Variants in KCNC3 observed in about 807,000 individuals in gnomAD.
The protein encoded by KCNC3 is potassium voltage-gated channel subfamily C member 3.
A neutral mutation model predicts 43.9 loss-of-function variants in KCNC3; 22 were observed. The ratio of observed to expected loss-of-function variants is 0.50; its 90% CI spans 0.36 to 0.72. The LOEUF is 0.72. Among genes scored for constraint, KCNC3 ranks in the 30% least tolerant of loss-of-function variants. KCNC3 has a pLI of 0.00. For missense variants in KCNC3, 829 were observed against 1,073.8 expected (o/e 0.77, Z 3.19); for synonymous variants, 492 against 488.0 (o/e 1.01, Z -0.11).
In KCNC3 at chr19:50,313,104, A is replaced by G. The variant is rs2123510243; in HGVS notation, c.*3011T>C. ...CGGCTCCAAAAGGGGGGTCCGCTAA[A>G]GAGTCTGGGACCGGTGTGGTCTCTG... On this transcript the variant is annotated 3_prime_UTR_variant, in exon 5 of 5. Transcript: ENST00000477616. The G allele has an allele frequency of 6.6e-6, 1 of 150,516 alleles. No homozygotes were observed. The highest frequency in any genetic ancestry group is 2.1e-4 in the South Asian group (1 of 4,812). The allele number at this position is 150,516 out of a possible 1,614,324, so 9.3% of individuals were successfully genotyped here.
intron 1 of KCNC3, among the ~76,000 whole-genome samples, chr19:50,326,377 T>C (rs2037106034): frequency 6.6e-6 from 1 of 152,136 alleles, no homozygotes; most frequent in South Asian, 2.1e-4. Context: ...CAGGGCCATG[T>C]CCCTTCCGCA....
At position 50,329,059 on chromosome 19, in the gene KCNC3, CGAGACGCAGACT is replaced by C. The variant is rs1263632230; in HGVS notation, c.12_23del (p.Val5_Ser8del). On this transcript the variant is annotated inframe_deletion, in exon 1 of 5. Coordinates refer to ENST00000477616, the MANE Select transcript of KCNC3 (RefSeq NM_004977.3). ...TGGCCCCCTGGCGCCCGCGGAAGGA[CGAGACGCAGACT>C]GAGCTCAGCATTGGACGGGGGGCGG... The C allele has an allele frequency of 1.5e-6, 2 of 1,322,910 alleles. No individual in the cohort carries two copies. The highest frequency in any genetic ancestry group is 1.9e-6 in the Non-Finnish European group (2 of 1,034,658). The allele number at this position is 1,322,910 out of a possible 1,614,324, so 81.9% of individuals were successfully genotyped here. A position where few individuals can be genotyped will look rare whatever the true frequency, so the allele number is the denominator to read the frequency against.
intron 2 of KCNC3, 121 bp downstream of exon 2, chr19:50,322,854 G>T: frequency 9.8e-7 from 1 of 1,024,408 alleles, no homozygotes; most frequent in South Asian, 1.6e-5. Context: ...CCTGCTGTTG[G>T]TTTTTTTCTC....
chr19:50,318,665 C>G (rs966595198), intron 4 of KCNC3, among the ~76,000 whole-genome samples: 1 of 152,098 alleles, frequency 6.6e-6, no homozygotes, highest in African/African-American at 2.4e-5. Context: ...GCTGAAAGAT[C>G]AGGCCCTCAG....
At position 50,329,038 on chromosome 19, in the gene KCNC3, C is replaced by A. The variant is rs902125703; in HGVS notation, c.45G>T (p.Gly15=). ...GTGGCGCCGGCTGCTGCTTGCTGGC[C>A]CCCTGGCGCCCGCGGAAGGACGAGA... ...VCVSSFRGRQ[G]ASKQQPAPPP... Residue 15 remains glycine (G), a synonymous_variant, in exon 1 of 5, where the codon GGG becomes GGT. Transcript: ENST00000477616. The A allele has an allele frequency of 2.8e-5, 38 of 1,355,614 alleles. No individual in the cohort carries two copies. The highest frequency in any genetic ancestry group is 3.5e-5 in the Non-Finnish European group (37 of 1,049,492). The allele number at this position is 1,355,614 out of a possible 1,614,324, so 84.0% of individuals were successfully genotyped here. A position where few individuals can be genotyped will look rare whatever the true frequency, so the allele number is the denominator to read the frequency against.
In KCNC3 at chr19:50,314,745, T is replaced by C. The variant is rs1352949691; in HGVS notation, c.*1370A>G. 2 of 441,256 alleles carry C rather than the reference T, an allele frequency of 4.5e-6. No homozygotes were observed. The highest frequency in any genetic ancestry group is 8.2e-5 in the East Asian group (1 of 12,208). 27.3% of individuals were successfully genotyped at this position (441,256 alleles called of 1,614,324 possible). A position where few individuals can be genotyped will look rare whatever the true frequency, so the allele number is the denominator to read the frequency against. On this transcript the variant is annotated 3_prime_UTR_variant, in exon 5 of 5. Transcript: ENST00000477616. ...CGTCATCTCGGTTGCATATTATTAA[T>C]GACTTTTTGATTTTTTTTAAAAAAA...
Position 50,323,206 on chromosome 19 carries a change from G to T in KCNC3, c.1747C>A (p.Pro583Thr). 1 of 1,524,682 alleles carries T rather than the reference G, an allele frequency of 6.6e-7. No individual in the cohort carries two copies. The highest frequency in any genetic ancestry group is 8.8e-7 in the Non-Finnish European group (1 of 1,137,042). The allele number at this position is 1,524,682 out of a possible 1,614,324, so 94.4% of individuals were successfully genotyped here. The stretch of plus-strand genomic sequence containing the variant: ...CTGCCGTGGTGCGGGTGGGGCGGGG[G>T]TGGCGGGGGTGGGTCAGGCTTGCAG... Reference protein sequence around the residue: ...NYCKPDPPPPPPPHPHHGSGG... With the variant: ...NYCKPDPPPPTPPHPHHGSGG... Residue 583 changes from proline (P) to threonine (T), a missense_variant, in exon 2 of 5, where the codon CCC becomes ACC. Physicochemically the swap from Pro to Thr is conservative, Grantham distance 38 (BLOSUM62 -1). Transcript: ENST00000477616.
In KCNC3 at chr19:50,320,577, A is replaced by AG. The variant is rs757630847; in HGVS notation, c.2170+15dup. On this transcript the variant is annotated intron_variant, in intron 3 of 4. Transcript: ENST00000477616. ...AGAGGGAGGGTCCCAGGGGATCAGT[A>AG]GGGGGGGCACCTCACCTTTTCGGAT... The AG allele has an allele frequency of 3.0e-5, 48 of 1,603,760 alleles. No individual in the cohort carries two copies. The highest frequency in any genetic ancestry group is 2.6e-5 in the Non-Finnish European group (30 of 1,175,820).
upstream of KCNC3, among the ~76,000 whole-genome samples, chr19:50,330,376 G>A (rs2037173766): frequency 6.6e-6 from 1 of 152,142 alleles, no homozygotes; most frequent in African/African-American, 2.4e-5. Flanking sequence ...GGGTAGGCGA[G>A]GGCAGGGCAG....
chr19:50,323,674 G>C lies in KCNC3; in HGVS notation c.1279C>G (p.Leu427Val), dbSNP rs919943430. The change falls in exon 2 of 5, where the codon CTG (leucine) becomes GTG (valine). Residue 427 changes from leucine to valine, a missense_variant. Coordinates refer to ENST00000477616, the MANE Select transcript of KCNC3 (RefSeq NM_004977.3). ...CGCAGCCCCACGAAGTGCCGGGTCA[G>C]CTTGAAGATGCGCAGGATGCGGACG... ...RFVRILRIFK[L>V]TRHFVGLRVL... 1 of 1,614,088 alleles carries C rather than the reference G, an allele frequency of 6.2e-7. No individual in the cohort carries two copies. The highest frequency in any genetic ancestry group is 1.3e-5 in the African/African-American group (1 of 74,952).
chr19:50,323,872 A>G lies in KCNC3; in HGVS notation c.1081T>C (p.Phe361Leu). The change falls in exon 2 of 5, where the codon TTC (phenylalanine) becomes CTC (leucine). Residue 361 changes from phenylalanine (F) to leucine (L), a missense_variant. Around this residue, in one of 7 missense-constraint regions of KCNC3, gnomAD observed 157 missense variants for 293.5 expected, o/e 0.53. Transcript: ENST00000477616. ...VEGVCVVWFT[F>L]EFLMRITFCP... ...AAGGTGATGCGCATGAGGAACTCGA[A>G]GGTGAACCAGACCACGCACACCCCC... The G allele has an allele frequency of 6.2e-7, 1 of 1,614,214 alleles. No homozygotes were observed. Among genetic ancestry groups the G allele is most frequent in the Non-Finnish European group, 8.5e-7 (1 of 1,180,036 alleles).
At chr19:50,320,541 G>A (rs2037016944) in intron 3 of KCNC3, 52 bp downstream of exon 3, 2 of 1,520,734 alleles carry the variant, frequency 1.3e-6, no homozygotes, top group African/African-American at 1.4e-5. Flanking sequence ...CCTCCCCTGG[G>A]CAGGGGAGAG....
Position 50,324,668 on chromosome 19 carries a change from G to A in KCNC3, c.871-586C>T, listed in dbSNP as rs2037081422. Among the ~76,000 whole-genome samples the A allele has an allele frequency of 6.6e-6, 1 of 152,188 alleles. No individual in the cohort carries two copies. ...GCTTTCTGAACCAGAAGTTTGTAGT[G>A]GGATTGTTGTGAGGATTAAATTAGA... On this transcript the variant is annotated intron_variant, in intron 1 of 4. Transcript: ENST00000477616. The surrounding 1 kb of genome is among the most constrained non-coding windows in gnomAD (Gnocchi z 4.1).
Position 50,324,419 on chromosome 19 carries a change from T to C in KCNC3, c.871-337A>G, listed in dbSNP as rs1462703131. On this transcript the variant is annotated intron_variant, in intron 1 of 4. Coordinates refer to ENST00000477616, the MANE Select transcript of KCNC3 (RefSeq NM_004977.3). This position sits in a 1 kb window ranked among gnomAD's most constrained non-coding sequence, Gnocchi z 4.1. ...ACCCTCCTGTTCCCTGTGTCCTATT[T>C]CAGGGCCCCCCAGCAGGGTCCACGG... 6.6e-6 allele frequency among the ~76,000 whole-genome samples: 1 copy of C among 152,084 alleles called. No homozygotes were observed. The highest frequency in any genetic ancestry group is 2.4e-5 in the African/African-American group (1 of 41,402).
chr19:50,329,971 A>G (rs1601104530), upstream of KCNC3, among the ~76,000 whole-genome samples: 3 of 152,178 alleles, frequency 2.0e-5, 1 homozygote, highest in Admixed American at 1.3e-4. Flanking sequence ...GTCGACAAAT[A>G]GAAAACGTCT....
chr19:50,323,232 T>G lies in KCNC3; in HGVS notation c.1721A>C (p.Tyr574Ser). The G allele has an allele frequency of 6.3e-7, 1 of 1,576,160 alleles. No individual in the cohort carries two copies. Among genetic ancestry groups the G allele is most frequent in the Non-Finnish European group, 8.6e-7 (1 of 1,168,106 alleles). ...TGGCGGGGGTGGGTCAGGCTTGCAGTAGTTGGGCGAGCCCGGTTGCGGGGG... is the reference window on the plus strand; with the variant it reads ...TGGCGGGGGTGGGTCAGGCTTGCAGGAGTTGGGCGAGCCCGGTTGCGGGGG... ...PRPPQPGSPNYCKPDPPPPPP... is the reference protein window; with the variant it reads ...PRPPQPGSPNSCKPDPPPPPP... The change falls in exon 2 of 5, where the codon TAC becomes TCC. Residue 574 changes from tyrosine to serine, a missense_variant. This residue lies in a region of KCNC3 where 308 missense variants were observed against 276.2 expected (regional missense o/e 1.11). Transcript: ENST00000477616.
At chr19:50,326,705 A>G (rs2037110909) in intron 1 of KCNC3, among the ~76,000 whole-genome samples, 1 of 151,704 alleles carries the variant, frequency 6.6e-6, no homozygotes, top group African/African-American at 2.4e-5. Flanking sequence ...GGTCCCCGGG[A>G]CAGGGAGGAA....
intron 1 of KCNC3, among the ~76,000 whole-genome samples, chr19:50,326,554 G>A (rs921853096): frequency 2.6e-5 from 4 of 152,214 alleles, no homozygotes; most frequent in Non-Finnish European, 4.4e-5. Flanking sequence ...CGGCACGGTG[G>A]GGGGAGGGGG....
At chr19:50,330,908 G>T (rs1033888659), upstream of KCNC3, among the ~76,000 whole-genome samples, 2 of 152,042 alleles carry the variant, frequency 1.3e-5, no homozygotes, top group Non-Finnish European at 2.9e-5. Context: ...AGCGGCTGCG[G>T]CTGGGGCTGC....
Sources: gnomAD v4.1 joint callset for allele counts (sites outside exome capture counted in the v4.1 genomes callset) on GRCh38, gnomAD v4.1.1 for gene constraint, gnomAD v4.1.1 regional missense constraint, Gnocchi (gnomAD v3.1) non-coding constraint, MANE v1.5 for transcripts, NCBI Gene and HGNC (gene_info 2026-07-23, HGNC 2026-07-21) for gene names.